CCDC13: variants seen among roughly 807,000 people sequenced by gnomAD.
CCDC13 encodes the protein coiled-coil domain containing 13, also known as coiled-coil domain-containing protein 13.
In CCDC13, 70 loss-of-function variants were observed where a neutral mutation model predicts 87.3. That is an observed-to-expected ratio of 0.80 (90% CI 0.66 to 0.98). The LOEUF (loss-of-function observed/expected upper bound fraction) is 0.98, where lower values mean the gene tolerates loss of function less well. CCDC13 is among the 50% of genes least tolerant of loss of function. The pLI is 0.00. For missense variants in CCDC13, 842 were observed against 892.0 expected (o/e 0.94, Z 0.71); for synonymous variants, 317 against 360.3 (o/e 0.88, Z 1.36).
intron 8 of CCDC13, 113 bp downstream of exon 8, chr3:42,742,783 T>G (rs1699260732): frequency 7.3e-7 from 1 of 1,368,830 alleles, no homozygotes; most frequent in Non-Finnish European, 1.0e-6. Flanking sequence ...AGGTGTCTCC[T>G]GCCTAGAAGG....
At chr3:42,765,099 C>G (rs1184731334) in intron 1 of CCDC13, among the ~76,000 whole-genome samples, 1 of 152,150 alleles carries the variant, frequency 6.6e-6, no homozygotes. Flanking sequence ...TACACTGTGC[C>G]CCAGGCAAAT....
intron 13 of CCDC13, among the ~76,000 whole-genome samples, chr3:42,714,876 T>A: frequency 6.6e-6 from 1 of 152,228 alleles, no homozygotes; most frequent in East Asian, 1.9e-4. Flanking sequence ...TAAAGGCCCA[T>A]CATCAGGGGA....
At chr3:42,770,601 G>C (rs1700047236) in intron 1 of CCDC13, 1 of 152,240 alleles carries the variant, frequency 6.6e-6, no homozygotes, top group African/African-American at 2.4e-5. Flanking sequence ...GGCAGCAGTG[G>C]CAACCTGCTG....
At chr3:42,712,768 C>A (rs1698342454) in intron 14 of CCDC13, among the ~76,000 whole-genome samples, 1 of 152,236 alleles carries the variant, frequency 6.6e-6, no homozygotes, top group Non-Finnish European at 1.5e-5. Context: ...TTGCAGGAGG[C>A]ACAAAGGGAC....
In CCDC13 at chr3:42,706,048, T is replaced by TGGGAAAC. The variant is rs1698170430; in HGVS notation, c.*2931_*2932insGTTTCCC. 6.6e-6 allele frequency: 1 copy of TGGGAAAC among 152,252 alleles called. No homozygotes were observed. Among genetic ancestry groups the TGGGAAAC allele is most frequent in the South Asian group, 2.1e-4 (1 of 4,826 alleles). The allele number at this position is 152,252 out of a possible 1,614,324, so 9.4% of individuals were successfully genotyped here. ...GGTCCTGCATCCTTCCCCACCCAGC[T>TGGGAAAC]CCATCATGGCGTTTCCCACACCTCT... On this transcript the variant is annotated 3_prime_UTR_variant, in exon 16 of 16. Coordinates refer to ENST00000310232, the MANE Select transcript of CCDC13 (RefSeq NM_144719.4).
intron 10 of CCDC13, among the ~76,000 whole-genome samples, chr3:42,734,824 G>A (rs989572975): frequency 3.3e-5 from 5 of 152,222 alleles, no homozygotes; most frequent in South Asian, 2.1e-4. Flanking sequence ...CCACCCCAGG[G>A]AGGTGAAGGT....
At chr3:42,737,877 G>A (rs943299385) in intron 9 of CCDC13, among the ~76,000 whole-genome samples, 1 of 152,140 alleles carries the variant, frequency 6.6e-6, no homozygotes, top group Non-Finnish European at 1.5e-5. Context: ...TCACTCTGAT[G>A]GTAGTTTCTT....
chr3:42,750,052 C>T (rs72865754), intron 5 of CCDC13: 2 of 408,468 alleles, frequency 4.9e-6, no homozygotes, highest in Non-Finnish European at 9.9e-6. Context: ...CGGCCCATCA[C>T]ACACTCTTCT....
intron 13 of CCDC13, among the ~76,000 whole-genome samples, chr3:42,725,441 G>A (rs562093915): frequency 6.6e-6 from 1 of 151,076 alleles, no homozygotes; most frequent in African/African-American, 2.4e-5. Flanking sequence ...GGCTGAGGTG[G>A]GAGGATCACT....
intron 6 of CCDC13, 150 bp downstream of exon 6, chr3:42,747,107 G>C (rs1274550207): frequency 1.3e-6 from 1 of 771,694 alleles, no homozygotes; most frequent in African/African-American, 1.7e-5. Flanking sequence ...GTGGGAGGAA[G>C]GACTGGAACT....
At chr3:42,755,996 A>G (rs1169925875) in intron 3 of CCDC13, among the ~76,000 whole-genome samples, 1 of 152,164 alleles carries the variant, frequency 6.6e-6, no homozygotes, top group East Asian at 1.9e-4. Flanking sequence ...TTTTTGTTTC[A>G]GACAGAAAAG....
Position 42,708,959 on chromosome 3 carries a change from G to T in CCDC13, c.*21C>A. ...AGACCTGAGGCTGCCCACCCGGCCA[G>T]GCCGACACTGGGCTGTCATCCTATT... On this transcript the variant is annotated 3_prime_UTR_variant, in exon 16 of 16. Transcript: ENST00000310232. 6.2e-7 allele frequency: 1 copy of T among 1,600,952 alleles called. No homozygotes were observed.
intron 13 of CCDC13, among the ~76,000 whole-genome samples, chr3:42,715,842 C>T (rs1483071181): frequency 1.3e-5 from 2 of 152,144 alleles, no homozygotes; most frequent in African/African-American, 2.4e-5. Flanking sequence ...CATGCCATTT[C>T]CCTTCTGCCT....
At chr3:42,743,600 T>TATATATATATATATATATATACATAC in intron 7 of CCDC13, among the ~76,000 whole-genome samples, 5 of 125,794 alleles carry the variant, frequency 4.0e-5, no homozygotes, top group African/African-American at 1.8e-4. Flanking sequence ...TATATATATA[T>TATATATATATATATATATATACATAC]ACACACACAC....
chr3:42,736,000 A>G (rs1289355943), intron 9 of CCDC13, 87 bp from the exon 10 acceptor site: 1 of 1,292,634 alleles, frequency 7.7e-7, no homozygotes, highest in East Asian at 2.5e-5. Context: ...CCTCACCCCA[A>G]AGCAGGCTGC....
chr3:42,731,042 A>G (rs1698816606), intron 12 of CCDC13, among the ~76,000 whole-genome samples: 1 of 151,992 alleles, frequency 6.6e-6, no homozygotes, highest in Non-Finnish European at 1.5e-5. Flanking sequence ...ACTTTCCTGG[A>G]GCCTGTGCAT....
At chr3:42,761,842 C>CA (rs1233150395) in intron 1 of CCDC13, among the ~76,000 whole-genome samples, 1 of 152,176 alleles carries the variant, frequency 6.6e-6, no homozygotes, top group African/African-American at 2.4e-5. Context: ...CTTCTCCCCC[C>CA]AAGGCTTAAA....
chr3:42,711,671 T>C (rs1401611111), intron 14 of CCDC13, among the ~76,000 whole-genome samples: 1 of 152,216 alleles, frequency 6.6e-6, no homozygotes. Context: ...CTCAGATGTC[T>C]AGCTCCCCTA....
At chr3:42,745,321 C>T (rs1440922457) in intron 7 of CCDC13, 1 of 152,346 alleles carries the variant, frequency 6.6e-6, no homozygotes, top group Admixed American at 6.5e-5. Context: ...ATTCTCCCAA[C>T]AATCCTGTGG....
Sources: gnomAD v4.1 joint callset for allele counts (sites outside exome capture counted in the v4.1 genomes callset) on GRCh38, gnomAD v4.1.1 for gene constraint, MANE v1.5 for transcripts, NCBI Gene and HGNC (gene_info 2026-07-23, HGNC 2026-07-21) for gene names.